Variants in TRANK1 observed in about 807,000 individuals in gnomAD.
TRANK1 encodes the protein TPR and ankyrin repeat-containing protein 1.
TRANK1 carries 198 observed loss-of-function variants against 266.0 expected under a neutral mutation model. The ratio of observed to expected loss-of-function variants is 0.74; its 90% confidence interval spans 0.66 to 0.84. The LOEUF (loss-of-function observed/expected upper bound fraction) is 0.84, where lower values mean the gene tolerates loss of function less well. Among genes scored for constraint, TRANK1 ranks in the 40% least tolerant of loss-of-function variants. TRANK1 has a pLI of 0.00. For missense variants in TRANK1, 3,326 were observed against 3,634.6 expected, an observed-to-expected ratio of 0.92 and a Z score of 2.18; for synonymous variants, 1,396 against 1,384.1, an observed-to-expected ratio of 1.01 and a Z score of -0.19.
rs1559448751 is a variant in TRANK1 at position 36,879,794 on chromosome 3, A to AAATATATAAATATATG, written c.908-5499_908-5498insCATATATTTATATATT. ...TAAATATATATAAATATGTAAATAT[A>AAATATATAAATATATG]TAAATATACAAATATATGTAAATAT... On this transcript the variant is annotated intron_variant, in intron 8 of 23. Transcript: ENST00000645898. Among the ~76,000 whole-genome samples the AAATATATAAATATATG allele has an allele frequency of 6.4e-5, 3 of 47,064 alleles. 1 individual carries two copies. The highest frequency in any genetic ancestry group is 5.8e-4 in the Admixed American group (2 of 3,434). The allele number at this position is 47,064 out of a possible 152,430, so 30.9% of individuals were successfully genotyped here. A position where few individuals can be genotyped will look rare whatever the true frequency, so the allele number is the denominator to read the frequency against.
chr3:36,846,169 C>T (rs780949043), intron 17 of TRANK1, 79 bp downstream of exon 17: 19 of 1,349,334 alleles, frequency 1.4e-5, no homozygotes, highest in African/African-American at 3.0e-5. Context: ...AAATACCACA[C>T]CTTTTATTCC....
At position 36,831,464 on chromosome 3, in the gene TRANK1, C is replaced by T; in HGVS notation, c.8119G>A (p.Ala2707Thr). Residue 2707 changes from alanine to threonine, a missense_variant, in exon 22 of 24, where the codon GCC becomes ACC. Physicochemically the swap from Ala to Thr is moderately conservative, Grantham distance 58. Coordinates refer to ENST00000645898, the MANE Select transcript of TRANK1 (RefSeq NM_001329998.2). This position sits in a 1 kb window ranked among gnomAD's most constrained non-coding sequence, Gnocchi z 5.0. Reference sequence around the variant, plus strand: ...CGTTGCTTTTGGGAAAGAATGGTGGCCAGGACGTGGTCTCGGTCTTCTAAT... The same window carrying T: ...CGTTGCTTTTGGGAAAGAATGGTGGTCAGGACGTGGTCTCGGTCTTCTAAT... ...LALEDRDHVL[A>T]TILSQKQRKA... The T allele has an allele frequency of 6.2e-7, 1 of 1,613,076 alleles. No individual in the cohort carries two copies. Among genetic ancestry groups the T allele is most frequent in the Admixed American group, 1.7e-5 (1 of 59,868 alleles).
rs946723047 is a variant in TRANK1 at position 36,880,115 on chromosome 3, A to T, written c.908-5819T>A. ...ATATAAATATATATAAACATATATA[A>T]ATATATATAAACATATAAATATATA... On this transcript the variant is annotated intron_variant, in intron 8 of 23. Transcript: ENST00000645898. 5 of 144,914 alleles carry T rather than the reference A, an allele frequency of 3.5e-5. 1 individual carries two copies. Among genetic ancestry groups the T allele is most frequent in the Non-Finnish European group, 7.6e-5 (5 of 65,712 alleles). 9.0% of individuals were successfully genotyped at this position (144,914 alleles called of 1,614,324 possible). A position where few individuals can be genotyped will look rare whatever the true frequency, so the allele number is the denominator to read the frequency against.
intron 14 of TRANK1, 39 bp downstream of exon 14, chr3:36,852,107 T>C (rs761629844): frequency 6.5e-7 from 1 of 1,536,698 alleles, no homozygotes; most frequent in East Asian, 2.3e-5. Context: ...AATTGCAAAC[T>C]GTCTTTTATT....
rs146801505 is a variant in TRANK1, at chr3:36,900,279, A to G, written c.283-1020T>C. Among the ~76,000 whole-genome samples the G allele has an allele frequency of 1.6e-4, 24 of 152,340 alleles. No homozygotes were observed. The East Asian group carries it at 4.6e-3, about 29-fold the overall frequency. The stretch of plus-strand genomic sequence containing the variant: ...AAAAGAATGAGATTGACATGAAAAC[A>G]AAGGTGTTTTTCCTGCCCCTTTCAA... On this transcript the variant is annotated intron_variant, in intron 3 of 23. Coordinates refer to ENST00000645898, the MANE Select transcript of TRANK1 (RefSeq NM_001329998.2).
Position 36,895,703 on chromosome 3 carries a change from A to C in TRANK1, c.489T>G (p.Thr163=). 6.5e-7 allele frequency: 1 copy of C among 1,536,868 alleles called. No individual in the cohort carries two copies. The highest frequency in any genetic ancestry group is 2.0e-5 in the Admixed American group (1 of 50,818). Reference sequence around the variant, plus strand: ...ATTGCCACACTTCTGTTGGGAATCCAGTTGTGAAAATATGATCAAAGCAAG... The same window carrying C: ...ATTGCCACACTTCTGTTGGGAATCCCGTTGTGAAAATATGATCAAAGCAAG... ...FLPCFDHIFT[T]GFPTEVWQSV... The change falls in exon 5 of 24, where the codon ACT becomes ACG. Residue 163 remains threonine (T), a synonymous_variant. Coordinates refer to ENST00000645898, the MANE Select transcript of TRANK1 (RefSeq NM_001329998.2).
Position 36,829,633 on chromosome 3 carries a change from T to C in TRANK1, c.8740A>G (p.Ile2914Val), listed in dbSNP as rs147602680. ...GCATCCCTGACTGACAGGATCAGAATGTTGACCAGCCGAGTCATCGCCTCC... is the reference window on the plus strand; with the variant it reads ...GCATCCCTGACTGACAGGATCAGAACGTTGACCAGCCGAGTCATCGCCTCC... ...AEEAMTRLVN[I>V]LILSVRDARD... Residue 2914 changes from isoleucine (I) to valine (V), a missense_variant, in exon 23 of 24, where the codon ATT becomes GTT. By Grantham distance (29) the Ile-to-Val change is conservative. Coordinates refer to ENST00000645898, the MANE Select transcript of TRANK1 (RefSeq NM_001329998.2). The C allele has an allele frequency of 6.5e-3, 10,452 of 1,613,986 alleles. 118 individuals are homozygous for C. The highest frequency in any genetic ancestry group is 0.035 in the South Asian group (3,228 of 91,082).
In TRANK1 at chr3:36,834,683, T is replaced by C. The variant is rs779556173; in HGVS notation, c.5663+79A>G. 6 of 1,510,912 alleles carry C rather than the reference T, an allele frequency of 4.0e-6. No homozygotes were observed. In the African/African-American group the frequency reaches 5.6e-5, roughly 14 times the overall value. The allele number at this position is 1,510,912 out of a possible 1,614,324, so 93.6% of individuals were successfully genotyped here. ...TCAAACCATGTCAGAAGCAGCAGGA[T>C]AGCACCACCCAGAGCAGGCTGCCCC... On this transcript the variant is annotated intron_variant, in intron 21 of 23. Transcript: ENST00000645898.
chr3:36,844,194 T>G (rs2078884822), intron 17 of TRANK1, among the ~76,000 whole-genome samples: 1 of 152,170 alleles, frequency 6.6e-6, no homozygotes, highest in Non-Finnish European at 1.5e-5. Flanking sequence ...TCACTTAGCT[T>G]CTATGATCTT....
At chr3:36,895,609 C>G (rs1159672472) in intron 5 of TRANK1, 31 bp downstream of exon 5, 1 of 1,334,192 alleles carries the variant, frequency 7.5e-7, no homozygotes, top group African/African-American at 1.5e-5. Context: ...AGAATGTACT[C>G]TCCCCGTGAG....
intron 1 of TRANK1, among the ~76,000 whole-genome samples, chr3:36,915,677 A>T (rs891873286): frequency 2.6e-5 from 4 of 152,222 alleles, no homozygotes; most frequent in African/African-American, 9.7e-5. Context: ...GTACATCAAT[A>T]ATCACACAAA....
At chr3:36,936,263 T>C (rs1207722257) in intron 1 of TRANK1, among the ~76,000 whole-genome samples, 6 of 152,072 alleles carry the variant, frequency 3.9e-5, no homozygotes, top group Admixed American at 1.3e-4. Flanking sequence ...AGTGGAAGGA[T>C]GGCTTGAGTC....
intron 7 of TRANK1, 43 bp downstream of exon 7, chr3:36,892,159 T>C: frequency 1.3e-6 from 2 of 1,531,850 alleles, no homozygotes; most frequent in Non-Finnish European, 1.7e-6. Flanking sequence ...AGAACTAGGC[T>C]AGAAGGGCAG....
intron 15 of TRANK1, chr3:36,850,752 A>G (rs2078974759): frequency 4.1e-6 from 4 of 985,260 alleles, no homozygotes; most frequent in South Asian, 9.4e-5. Context: ...TTGTGCTATT[A>G]AGGCAAAATA....
chr3:36,921,250 A>G (rs1159452819), intron 1 of TRANK1, among the ~76,000 whole-genome samples: 2 of 152,178 alleles, frequency 1.3e-5, no homozygotes, highest in Non-Finnish European at 2.9e-5. Flanking sequence ...ACCCTAGCCA[A>G]TAGGGAAACA....
chr3:36,933,204 T>A (rs2080383456), intron 1 of TRANK1, among the ~76,000 whole-genome samples: 1 of 152,192 alleles, frequency 6.6e-6, no homozygotes, highest in African/African-American at 2.4e-5. Context: ...AGTTCAAATG[T>A]TTAGCCAACC....
At chr3:36,869,128 T>C (rs1056028134) in intron 9 of TRANK1, among the ~76,000 whole-genome samples, 6 of 152,226 alleles carry the variant, frequency 3.9e-5, no homozygotes, top group African/African-American at 1.4e-4. Context: ...CTCCTCAAAG[T>C]GGTCCCTGGC....
At chr3:36,846,826 C>T (rs2078921286) in intron 16 of TRANK1, among the ~76,000 whole-genome samples, 1 of 152,200 alleles carries the variant, frequency 6.6e-6, no homozygotes, top group Non-Finnish European at 1.5e-5. Context: ...TACACAATTG[C>T]TGTGATTTAT....
At chr3:36,919,169 C>T (rs7622114) in intron 1 of TRANK1, among the ~76,000 whole-genome samples, 1 of 151,924 alleles carries the variant, frequency 6.6e-6, no homozygotes, top group Non-Finnish European at 1.5e-5. Context: ...GAGGCAAAAC[C>T]TAGTATAATG....
Sources: gnomAD v4.1 joint callset for allele counts (sites outside exome capture counted in the v4.1 genomes callset) on GRCh38, gnomAD v4.1.1 for gene constraint, Gnocchi (gnomAD v3.1) non-coding constraint, MANE v1.5 for transcripts, NCBI Gene and HGNC (gene_info 2026-07-23, HGNC 2026-07-21) for gene names.